The following CACNA1E variants were observed in gnomAD, a reference collection of about 807,000 sequenced individuals.
CACNA1E encodes the protein calcium voltage-gated channel subunit alpha1 E.
In CACNA1E, 40 loss-of-function variants were observed where a neutral mutation model predicts 259.2. That is an observed-to-expected ratio of 0.15 (90% CI 0.12 to 0.20). CACNA1E has a LOEUF of 0.20. Ranked by LOEUF, CACNA1E falls within the 10% of genes least tolerant of loss-of-function variation. The probability of loss-of-function intolerance (pLI) is 1.00; values close to 1 mark genes in which losing one functional copy is unlikely to be tolerated. For synonymous variants in CACNA1E, 1,104 were observed against 1,138.5 expected (o/e 0.97, Z 0.61); for missense variants, 1,874 against 3,040.1 (o/e 0.62, Z 9.02).
At chr1:181,761,913 A>G (rs954918940) in intron 32 of CACNA1E, among the ~76,000 whole-genome samples, 13 of 152,212 alleles carry the variant, frequency 8.5e-5, no homozygotes, top group Admixed American at 7.2e-4. Flanking sequence ...ACTTAGTTAC[A>G]TCTCCTCAAA....
At chr1:181,678,637 G>A (rs1197000208) in intron 7 of CACNA1E, among the ~76,000 whole-genome samples, 1 of 152,160 alleles carries the variant, frequency 6.6e-6, no homozygotes. Context: ...TGATTTGAAG[G>A]TTTTGGAAGG....
intron 3 of CACNA1E, among the ~76,000 whole-genome samples, chr1:181,534,376 A>C (rs1668007679): frequency 6.6e-6 from 1 of 152,152 alleles, no homozygotes. Flanking sequence ...TGGAGTGATA[A>C]TATACATACA....
At chr1:181,427,682 C>G (rs1170341320) in intron 2 of CACNA1E, among the ~76,000 whole-genome samples, 1 of 145,604 alleles carries the variant, frequency 6.9e-6, no homozygotes, top group Admixed American at 6.8e-5. Flanking sequence ...TCAACCTCTC[C>G]CCATCTCAAC....
At chr1:181,501,547 G>A (rs1019558430) in intron 1 of CACNA1E, among the ~76,000 whole-genome samples, 1 of 152,190 alleles carries the variant, frequency 6.6e-6, no homozygotes, top group African/African-American at 2.4e-5. Context: ...GAGTAACTGA[G>A]TCCACTGACC....
At chr1:181,597,753 G>A (rs1320793587) in intron 6 of CACNA1E, among the ~76,000 whole-genome samples, 17 of 152,178 alleles carry the variant, frequency 1.1e-4, no homozygotes, top group Admixed American at 9.8e-4. Flanking sequence ...CAATCATGGC[G>A]GAAGGCATGG....
chr1:181,532,063 AG>A (rs1272097047), intron 3 of CACNA1E, among the ~76,000 whole-genome samples: 2 of 152,164 alleles, frequency 1.3e-5, no homozygotes, highest in African/African-American at 4.8e-5. Flanking sequence ...CTCAAAAAAA[AG>A]AAAAGAAAAG....
chr1:181,510,917 T>G (rs888896774), intron 2 of CACNA1E, among the ~76,000 whole-genome samples: 1 of 152,142 alleles, frequency 6.6e-6, no homozygotes, highest in Non-Finnish European at 1.5e-5. Context: ...TTGTGTGTAT[T>G]TGTGGTTATG....
At chr1:181,633,074 C>T (rs998461469) in intron 6 of CACNA1E, among the ~76,000 whole-genome samples, 10 of 152,150 alleles carry the variant, frequency 6.6e-5, no homozygotes, top group Admixed American at 2.6e-4. Context: ...GAACGTCTTT[C>T]GAAGTGTGCT....
intron 3 of CACNA1E, among the ~76,000 whole-genome samples, chr1:181,529,471 C>T (rs1320008138): frequency 6.6e-6 from 1 of 152,190 alleles, no homozygotes; most frequent in Admixed American, 6.5e-5. Context: ...GGGCCACTGT[C>T]CTCCAGACCC....
Position 181,758,386 on chromosome 1 carries a change from G to C in CACNA1E, c.4494+275G>C, listed in dbSNP as rs1658274107. Among the ~76,000 whole-genome samples the C allele has an allele frequency of 6.6e-6, 1 of 152,188 alleles. No homozygotes were observed. Among genetic ancestry groups the C allele is most frequent in the South Asian group, 2.1e-4 (1 of 4,834 alleles). ...CTTCAGACAAGGGTGGAAAAATCAG[G>C]AGACAGAGATCCATCATCACGGGGT... On this transcript the variant is annotated intron_variant, in intron 31 of 47. Coordinates refer to ENST00000367573, the MANE Select transcript of CACNA1E (RefSeq NM_001205293.3). The surrounding 1 kb of genome is among the most constrained non-coding windows in gnomAD (Gnocchi z 4.2).
intron 6 of CACNA1E, among the ~76,000 whole-genome samples, chr1:181,620,447 T>C (rs1655623834): frequency 6.6e-6 from 1 of 152,210 alleles, no homozygotes; most frequent in Non-Finnish European, 1.5e-5. Context: ...TCATTTCTTG[T>C]TTTTCTTGTG....
intron 21 of CACNA1E, 29 bp downstream of exon 21, chr1:181,733,779 C>T: frequency 6.9e-7 from 1 of 1,456,382 alleles, no homozygotes; most frequent in Non-Finnish European, 9.1e-7. Context: ...TTCCCCTCCA[C>T]CCCCAACTCC....
chr1:181,561,094 G>A (rs1649280084), intron 3 of CACNA1E, among the ~76,000 whole-genome samples: 2 of 152,082 alleles, frequency 1.3e-5, no homozygotes, highest in Non-Finnish European at 2.9e-5. Context: ...GGAGGGGAGA[G>A]TTATTGTTTA....
At chr1:181,374,379 A>C (rs1189014796) in intron 1 of CACNA1E, among the ~76,000 whole-genome samples, 1 of 145,012 alleles carries the variant, frequency 6.9e-6, no homozygotes, top group Non-Finnish European at 1.5e-5. Flanking sequence ...ACTTGGCATT[A>C]TTTTATGTTT....
intron 1 of CACNA1E, among the ~76,000 whole-genome samples, chr1:181,491,865 A>C (rs1355659668): frequency 5.0e-4 from 76 of 152,202 alleles, no homozygotes; most frequent in Non-Finnish European, 1.5e-5. Flanking sequence ...TTTATACCCA[A>C]ATTGGCTACT....
In CACNA1E at chr1:181,807,629, A is replaced by G. The variant is rs778841685; in HGVS notation, c.*8795A>G. The G allele has an allele frequency of 3.3e-5, 5 of 151,962 alleles. No homozygotes were observed. Among genetic ancestry groups the G allele is most frequent in the African/African-American group, 4.8e-5 (2 of 41,384 alleles). 9.4% of individuals were successfully genotyped at this position (151,962 alleles called of 1,614,324 possible). On this transcript the variant is annotated 3_prime_UTR_variant, in exon 48 of 48. Transcript: ENST00000367573. ...TGAGCAACGCTTTTATCAATTAGAT[A>G]GAAACCAGCATTCCAAAATAAGTCC...
At chr1:181,771,981 G>A in intron 36 of CACNA1E, 85 bp from the exon 37 acceptor site, 3 of 1,289,212 alleles carry the variant, frequency 2.3e-6, no homozygotes, top group Non-Finnish European at 3.3e-6. Flanking sequence ...ACAAGAGCGA[G>A]GATGGGGAAA....
intron 6 of CACNA1E, among the ~76,000 whole-genome samples, chr1:181,640,837 C>T (rs955735199): frequency 1.3e-5 from 2 of 152,152 alleles, no homozygotes; most frequent in Admixed American, 6.5e-5. Context: ...ACAACATTAT[C>T]GAGAATCTCC....
chr1:181,670,058 T>G (rs188671526), intron 7 of CACNA1E, among the ~76,000 whole-genome samples: 601 of 152,314 alleles, frequency 3.9e-3, no homozygotes, highest in Non-Finnish European at 5.9e-3. Flanking sequence ...AAAAAATATG[T>G]TTTTGTTTAA....
Sources: allele counts gnomAD v4.1 joint callset (sites outside exome capture counted in the v4.1 genomes callset), GRCh38; gene constraint gnomAD v4.1.1; non-coding constraint Gnocchi (gnomAD v3.1); transcripts MANE v1.5; gene names NCBI Gene and HGNC (gene_info 2026-07-23, HGNC 2026-07-21).